The following TIAM1 variants were observed in gnomAD, a reference collection of about 807,000 sequenced individuals.
TIAM1 encodes TIAM Rac1 associated GEF 1.
Under a neutral mutation model 163.5 loss-of-function variants are expected in TIAM1, and 65 were observed. The ratio of observed to expected loss-of-function variants is 0.40; its 90% CI spans 0.33 to 0.49. The LOEUF (loss-of-function observed/expected upper bound fraction) is 0.49. Among genes scored for constraint, TIAM1 ranks in the 20% least tolerant of loss-of-function variants. The pLI, the probability that TIAM1 is intolerant of heterozygous loss-of-function variation, is 0.77. For synonymous variants in TIAM1, 833 were observed against 810.1 expected (o/e 1.03, Z -0.48); for missense variants, 1,789 against 2,044.7 (o/e 0.87, Z 2.41).
chr21:31,258,933 G>A (rs1330262433), intron 4 of TIAM1, among the ~76,000 whole-genome samples: 2 of 152,154 alleles, frequency 1.3e-5, no homozygotes, highest in Non-Finnish European at 1.5e-5. Context: ...GGCTGGTCAG[G>A]TGTTTCCTAA....
chr21:31,351,840 G>A (rs1310891681), intron 2 of TIAM1, among the ~76,000 whole-genome samples: 1 of 152,104 alleles, frequency 6.6e-6, no homozygotes, highest in Non-Finnish European at 1.5e-5. Context: ...GGCCGAGGAG[G>A]GCAGATCACC....
rs1163023093 is a variant in TIAM1 at position 31,414,155 on chromosome 21, A to C, written c.-369+49828T>G. ...GAGAATTCCAGAGTTGCGGAGAAAA[A>C]TCTTTGGCAAGCCTCGAAAATGGCC... is the stretch of plus-strand genomic sequence containing the variant. On this transcript the variant is annotated intron_variant, in intron 2 of 28. Coordinates refer to the TIAM1 transcript ENST00000286827. Among the ~76,000 whole-genome samples the C allele has an allele frequency of 3.3e-5, 5 of 152,096 alleles. No homozygotes were observed. The East Asian group carries it at 9.6e-4, about 29-fold the overall frequency.
At chr21:31,380,341 C>T (rs1441582774) in intron 2 of TIAM1, among the ~76,000 whole-genome samples, 9 of 152,188 alleles carry the variant, frequency 5.9e-5, no homozygotes, top group South Asian at 2.1e-4. Flanking sequence ...GTCAGGAGTT[C>T]GAGACCAGCC....
At position 31,395,259 on chromosome 21, in the gene TIAM1, G is replaced by C. The variant is rs1602175938; in HGVS notation, c.-368-55837C>G. ...TCTCAAAAAAAAAAAAGAGGAGGTGGGGGGAGAACAAAACTAGTAATTGGA... is the reference window on the plus strand; with the variant it reads ...TCTCAAAAAAAAAAAAGAGGAGGTGCGGGGAGAACAAAACTAGTAATTGGA... On this transcript the variant is annotated intron_variant, in intron 2 of 28. Coordinates refer to the TIAM1 transcript ENST00000286827. This position sits in a 1 kb window ranked among gnomAD's most constrained non-coding sequence, Gnocchi z 7.5. Among the ~76,000 whole-genome samples the C allele has an allele frequency of 2.0e-5, 3 of 151,904 alleles. No individual in the cohort carries two copies. The South Asian group carries it at 6.3e-4, about 32-fold the overall frequency.
intron 8 of TIAM1, among the ~76,000 whole-genome samples, chr21:31,223,137 C>T (rs1382094697): frequency 1.3e-5 from 2 of 152,084 alleles, no homozygotes; most frequent in Non-Finnish European, 2.9e-5. Context: ...GAGCTATCAA[C>T]AAATACTACA....
intron 16 of TIAM1, chr21:31,161,035 TTG>T (rs10582770): frequency 0.11 from 16,077 of 143,284 alleles, 863 homozygotes; most frequent in Middle Eastern, 0.23. Context: ...CTAAGAAAAG[TTG>T]TGTGTGTGTG....
Position 31,552,390 on chromosome 21 carries a change from G to A in TIAM1, c.-422+6537C>T, listed in dbSNP as rs371550632. 5.5e-4 allele frequency among the ~76,000 whole-genome samples: 84 copies of A among 152,254 alleles called. No individual in the cohort carries two copies. The South Asian group carries it at 0.016, about 29-fold the overall frequency. ...ACTACTGAGTAAAATTGTGAATTAA[G>A]TGTGATTTAAGCAAAACCAACTCAA... On this transcript the variant is annotated intron_variant, in intron 1 of 28. Coordinates refer to the TIAM1 transcript ENST00000286827.
chr21:31,558,362 GCCGGCCCCCGGGCTTTCCGCCCGGTGAGC>G (rs1315221299), intron 1 of TIAM1, among the ~76,000 whole-genome samples: 8 of 152,180 alleles, frequency 5.3e-5, no homozygotes, highest in Admixed American at 2.0e-4. Context: ...AGCTCCGTGC[GCCGGCCCCCGGGCTTTCCGCCCGGTGAGC>G]CCGGCCCCGA....
intron 1 of TIAM1, among the ~76,000 whole-genome samples, chr21:31,530,031 CA>C (rs1287937263): frequency 1.3e-5 from 2 of 152,182 alleles, no homozygotes; most frequent in Non-Finnish European, 2.9e-5. Context: ...GGCAAGAAGA[CA>C]ACCTGGCATT....
At chr21:31,201,964 T>A (rs537375677) in intron 12 of TIAM1, among the ~76,000 whole-genome samples, 1 of 152,292 alleles carries the variant, frequency 6.6e-6, no homozygotes, top group Non-Finnish European at 1.5e-5. Context: ...CTTTGTAAAA[T>A]CCTAGAAATT....
intron 1 of TIAM1, among the ~76,000 whole-genome samples, chr21:31,527,550 CTCTCCA>C (rs1427901086): frequency 6.6e-6 from 1 of 152,076 alleles, no homozygotes; most frequent in African/African-American, 2.4e-5. Context: ...TTTTTGCCAG[CTCTCCA>C]TCTGCCCTGA....
Position 31,225,758 on chromosome 21 carries a change from C to T in TIAM1, c.1777G>A (p.Asp593Asn), listed in dbSNP as rs1004411736. 6.2e-7 allele frequency: 1 copy of T among 1,613,286 alleles called. No individual in the cohort carries two copies. Among genetic ancestry groups the T allele is most frequent in the East Asian group, 2.2e-5 (1 of 44,868 alleles). The change falls in exon 7 of 28, where the codon GAC becomes AAC. Residue 593 changes from aspartate to asparagine, a missense_variant. Physicochemically the swap from Asp to Asn is conservative, Grantham distance 23. Coordinates refer to ENST00000541036, the MANE Select transcript of TIAM1 (RefSeq NM_001353694.2). ...AATATTGTTTTCTTTTTCTTTGAGT[C>T]AGTGACTGAAGACAGCTGCATTTCA... ...MGEMQLSSVT[D>N]SKKKKTILDQ...
intron 6 of TIAM1, among the ~76,000 whole-genome samples, chr21:31,241,358 G>C (rs1402195818): frequency 6.6e-6 from 1 of 152,088 alleles, no homozygotes; most frequent in Non-Finnish European, 1.5e-5. Context: ...AGGCAGAGAT[G>C]AAGCTAGTTG....
chr21:31,131,017 T>C (rs2082395245), intron 23 of TIAM1, 69 bp from the exon 24 acceptor site: 2 of 1,355,982 alleles, frequency 1.5e-6, no homozygotes, highest in Non-Finnish European at 2.1e-6. Flanking sequence ...CATCACCAAC[T>C]TGTGGTAATA....
intron 2 of TIAM1, among the ~76,000 whole-genome samples, chr21:31,285,463 GA>G (rs1446198383): frequency 2.0e-5 from 3 of 152,164 alleles, no homozygotes; most frequent in African/African-American, 7.2e-5. Context: ...CATCCAAAAA[GA>G]ATCACTCCCC....
intron 2 of TIAM1, among the ~76,000 whole-genome samples, chr21:31,400,271 C>T (rs953095964): frequency 2.0e-5 from 3 of 151,974 alleles, no homozygotes; most frequent in Non-Finnish European, 4.4e-5. Flanking sequence ...GGACTACAGG[C>T]ACCCACCACC....
At chr21:31,171,079 T>G (rs2084493154) in intron 15 of TIAM1, among the ~76,000 whole-genome samples, 1 of 142,386 alleles carries the variant, frequency 7.0e-6, no homozygotes, top group Non-Finnish European at 1.5e-5. Context: ...GCCATCTGTA[T>G]ATGGAAATGT....
chr21:31,223,622 A>C, intron 7 of TIAM1, 31 bp from the exon 8 acceptor site: 1 of 1,565,786 alleles, frequency 6.4e-7, no homozygotes, highest in Non-Finnish European at 8.7e-7. Flanking sequence ...GAAAAGAAAA[A>C]GTGAGAAAAT....
intron 2 of TIAM1, among the ~76,000 whole-genome samples, chr21:31,436,538 A>G (rs777947459): frequency 1.2e-4 from 19 of 152,086 alleles, no homozygotes; most frequent in Admixed American, 6.6e-4. Context: ...GAGGCACAAG[A>G]ATCACTTGAA....
Sources: allele counts gnomAD v4.1 joint callset (sites outside exome capture counted in the v4.1 genomes callset), GRCh38; gene constraint gnomAD v4.1.1; non-coding constraint Gnocchi (gnomAD v3.1); transcripts MANE v1.5; gene names NCBI Gene and HGNC (gene_info 2026-07-23, HGNC 2026-07-21).